The following NPFF variants were observed in gnomAD, a reference collection of about 807,000 sequenced individuals.
NPFF encodes neuropeptide FF-amide peptide precursor, also known as pro-FMRFamide-related neuropeptide FF.
NPFF carries 14 observed loss-of-function variants against 12.9 expected under a neutral mutation model. The observed-to-expected ratio is 1.09, with a 90% confidence interval of 0.72 to 1.70. The LOEUF (loss-of-function observed/expected upper bound fraction) is 1.70, where lower values mean the gene tolerates loss of function less well. NPFF is among the 40% of genes most tolerant of loss of function. NPFF has a pLI of 0.00. For synonymous variants in NPFF, 56 were observed against 57.3 expected (o/e 0.98, Z 0.10); for missense variants, 140 against 135.7 (o/e 1.03, Z -0.16).
chr12:53,507,481 A>G lies in NPFF; in HGVS notation c.-7T>C. On this transcript the variant is annotated 5_prime_UTR_variant, in exon 1 of 3. Transcript: ENST00000267017. ...CAGCCTGCCTAGAATCCATGCTGCC[A>G]CCTACCCTCCTACAGCCACCCCAAC... The G allele has an allele frequency of 1.2e-6, 2 of 1,611,520 alleles. No homozygotes were observed. Among genetic ancestry groups the G allele is most frequent in the Middle Eastern group, 3.3e-4 (2 of 5,998 alleles).
chr12:53,506,843 C>G lies in NPFF; in HGVS notation c.275G>C (p.Arg92Pro). 1 of 1,604,504 alleles carries G rather than the reference C, an allele frequency of 6.2e-7. No individual in the cohort carries two copies. Among genetic ancestry groups the G allele is most frequent in the Non-Finnish European group, 8.5e-7 (1 of 1,175,384 alleles). Residue 92 changes from arginine to proline, a missense_variant, in exon 3 of 3, where the codon CGG (arginine) becomes CCG (proline). Coordinates refer to ENST00000267017, the MANE Select transcript of NPFF (RefSeq NM_003717.4). ...CTGGGAATTCAGCCCCTCTCCAGCC[C>G]GGGGACTCAGCCATTCATTCCTCCA... is the stretch of plus-strand genomic sequence containing the variant. ...GSWRNEWLSPRAGEGLNSQFW... is the reference protein window; with the variant it reads ...GSWRNEWLSPPAGEGLNSQFW...
chr12:53,507,265 T>G, intron 1 of NPFF, 108 bp downstream of exon 1: 8 of 1,590,924 alleles, frequency 5.0e-6, no homozygotes, highest in Non-Finnish European at 6.9e-6. Context: ...TCCTCAGATG[T>G]GAGGACCTAA....
chr12:53,507,001 T>G lies in NPFF; in HGVS notation c.224+20A>C. On this transcript the variant is annotated intron_variant, in intron 2 of 2. Transcript: ENST00000267017. Reference sequence around the variant, plus strand: ...TTCCACCCCCAGCCCCTGCCATGCTTGTGTCCCTTTCAGACTCACCTCTGG... The same window carrying G: ...TTCCACCCCCAGCCCCTGCCATGCTGGTGTCCCTTTCAGACTCACCTCTGG... The G allele has an allele frequency of 4.3e-6, 7 of 1,611,494 alleles. No homozygotes were observed. Among genetic ancestry groups the G allele is most frequent in the Non-Finnish European group, 5.9e-6 (7 of 1,178,312 alleles).
intron 1 of NPFF, 73 bp downstream of exon 1, chr12:53,507,300 G>A (rs1565905044): frequency 6.2e-7 from 1 of 1,603,470 alleles, no homozygotes; most frequent in East Asian, 2.2e-5. Flanking sequence ...GCCAGAGAAA[G>A]TATCAGAACC....
In NPFF at chr12:53,507,401, C is replaced by T. The variant is rs1356865316; in HGVS notation, c.74G>A (p.Gly25Glu). Residue 25 changes from glycine (G) to glutamate (E), a missense_variant, in exon 1 of 3, where the codon GGA (glycine) becomes GAA (glutamate). Gly to Glu is a moderately conservative substitution (Grantham distance 98). Coordinates refer to ENST00000267017, the MANE Select transcript of NPFF (RefSeq NM_003717.4). ...LIDGGCAEGP[G>E]GQQEDQLSAE... Reference sequence around the variant, plus strand: ...GGAGAGCTGGTCTTCCTGCTGGCCTCCTGGCCCTTCAGCACAGCCCCCGTC... The same window carrying T: ...GGAGAGCTGGTCTTCCTGCTGGCCTTCTGGCCCTTCAGCACAGCCCCCGTC... The T allele has an allele frequency of 6.2e-7, 1 of 1,614,054 alleles. No individual in the cohort carries two copies. Among genetic ancestry groups the T allele is most frequent in the African/African-American group, 1.3e-5 (1 of 74,998 alleles).
In NPFF at chr12:53,506,721, A is replaced by ACAT. The variant is rs1187473002; in HGVS notation, c.*52_*54dup. 2.3e-6 allele frequency: 3 copies of ACAT among 1,324,738 alleles called. No homozygotes were observed. Among genetic ancestry groups the ACAT allele is most frequent in the South Asian group, 1.4e-5 (1 of 69,348 alleles). The allele number at this position is 1,324,738 out of a possible 1,614,324, so 82.1% of individuals were successfully genotyped here. ...CCAGACAATTTTATTTGGGGGGCAA[A>ACAT]CATTGACACTTTTGGGTGTGGACCT... On this transcript the variant is annotated 3_prime_UTR_variant, in exon 3 of 3. Transcript: ENST00000267017.
rs1944005097 is a variant in NPFF, at chr12:53,506,752, G to C, written c.*24C>G. On this transcript the variant is annotated 3_prime_UTR_variant, in exon 3 of 3. Coordinates refer to ENST00000267017, the MANE Select transcript of NPFF (RefSeq NM_003717.4). Reference sequence around the variant, plus strand: ...ACACTTTTGGGTGTGGACCTTGCATGCAGACATATCAAGGGATGACATGTC... The same window carrying C: ...ACACTTTTGGGTGTGGACCTTGCATCCAGACATATCAAGGGATGACATGTC... The C allele has an allele frequency of 6.8e-7, 1 of 1,470,692 alleles. No homozygotes were observed. The highest frequency in any genetic ancestry group is 1.4e-5 in the African/African-American group (1 of 70,800). 91.1% of individuals were successfully genotyped at this position (1,470,692 alleles called of 1,614,324 possible).
Position 53,507,019 on chromosome 12 carries a change from A to G in NPFF, c.224+2T>C. The stretch of plus-strand genomic sequence containing the variant: ...CCATGCTTGTGTCCCTTTCAGACTC[A>G]CCTCTGGGGCTGAAACAGGAAGGCT... On this transcript the variant is annotated splice_donor_variant, in intron 2 of 2. Transcript: ENST00000267017. LOFTEE classifies it high-confidence loss of function. 1 of 1,612,326 alleles carries G rather than the reference A, an allele frequency of 6.2e-7. No individual in the cohort carries two copies. The highest frequency in any genetic ancestry group is 8.5e-7 in the Non-Finnish European group (1 of 1,179,400).
At chr12:53,507,170 A>T (rs1565904883) in intron 1 of NPFF, 28 bp from the exon 2 acceptor site, 4 of 1,611,254 alleles carry the variant, frequency 2.5e-6, no homozygotes, top group Non-Finnish European at 3.4e-6. Context: ...CAGGGAAGGA[A>T]GATGGGCAAA....
At position 53,506,904 on chromosome 12, in the gene NPFF, A is replaced by G; in HGVS notation, c.225-11T>C. 6.3e-7 allele frequency: 1 copy of G among 1,582,578 alleles called. No individual in the cohort carries two copies. The highest frequency in any genetic ancestry group is 8.6e-7 in the Non-Finnish European group (1 of 1,163,026). On this transcript the variant is annotated splice_polypyrimidine_tract_variant and intron_variant, in intron 2 of 2. Coordinates refer to ENST00000267017, the MANE Select transcript of NPFF (RefSeq NM_003717.4). ...GTATTTCTGCCAAACCTTAGGAAAG[A>G]TTTGTCCTCAGGTCCCCGCAGTCTC... is the stretch of plus-strand genomic sequence containing the variant.
At chr12:53,507,484 T>TA, upstream of NPFF, 1 of 1,611,178 alleles carries the variant, frequency 6.2e-7, no homozygotes, top group South Asian at 1.1e-5. Context: ...TGCTGCCACC[T>TA]ACCCTCCTAC....
At position 53,507,440 on chromosome 12, in the gene NPFF, A is replaced by G. The variant is rs779794940; in HGVS notation, c.35T>C (p.Leu12Pro). The change falls in exon 1 of 3, where the codon CTG becomes CCG. Residue 12 changes from leucine (L) to proline (P), a missense_variant. Transcript: ENST00000267017. The part of the protein sequence containing the change: ...DSRQAAALLV[L>P]LLLIDGGCAE... ...ACAGCCCCCGTCTATTAACAGCAGC[A>G]GCACCAGCAGTGCAGCAGCCTGCCT... The G allele has an allele frequency of 2.5e-6, 4 of 1,613,870 alleles. No homozygotes were observed. The highest frequency in any genetic ancestry group is 3.4e-6 in the Non-Finnish European group (4 of 1,179,994).
At chr12:53,506,972 CCCTTT>C (rs774621649) in intron 2 of NPFF, 44 bp downstream of exon 2, 1 of 1,598,312 alleles carries the variant, frequency 6.3e-7, no homozygotes, top group Non-Finnish European at 8.6e-7. Flanking sequence ...CTGCCTCCTG[CCCTTT>C]CCACCCCCAG....
At position 53,506,896 on chromosome 12, in the gene NPFF, T is replaced by C; in HGVS notation, c.225-3A>G. 1 of 1,586,420 alleles carries C rather than the reference T, an allele frequency of 6.3e-7. No homozygotes were observed. ...ATCCCTGGGTATTTCTGCCAAACCTTAGGAAAGATTTGTCCTCAGGTCCCC... is the reference window on the plus strand; with the variant it reads ...ATCCCTGGGTATTTCTGCCAAACCTCAGGAAAGATTTGTCCTCAGGTCCCC... On this transcript the variant is annotated splice_polypyrimidine_tract_variant and splice_region_variant and intron_variant, in intron 2 of 2. Coordinates refer to ENST00000267017, the MANE Select transcript of NPFF (RefSeq NM_003717.4).
At chr12:53,507,215 T>TG (rs1161325554) in intron 1 of NPFF, 73 bp from the exon 2 acceptor site, 1 of 1,589,788 alleles carries the variant, frequency 6.3e-7, no homozygotes. Context: ...GGGAAGGGAC[T>TG]GGCTTCCAGG....
At position 53,507,160 on chromosome 12, in the gene NPFF, CAG is replaced by C; in HGVS notation, c.103-20_103-19del. 2 of 1,612,130 alleles carry C rather than the reference CAG, an allele frequency of 1.2e-6. No individual in the cohort carries two copies. Among genetic ancestry groups the C allele is most frequent in the Non-Finnish European group, 1.7e-6 (2 of 1,178,908 alleles). Reference sequence around the variant, plus strand: ...TCTTCCTCCTGTGCCAAGGGGGTATCAGGGAAGGAAGATGGGCAAATACCCTG... The same window carrying C: ...TCTTCCTCCTGTGCCAAGGGGGTATCGGAAGGAAGATGGGCAAATACCCTG... On this transcript the variant is annotated intron_variant, in intron 1 of 2. Coordinates refer to ENST00000267017, the MANE Select transcript of NPFF (RefSeq NM_003717.4).
Position 53,507,018 on chromosome 12 carries a change from C to T in NPFF, c.224+3G>A. ...GCCATGCTTGTGTCCCTTTCAGACT[C>T]ACCTCTGGGGCTGAAACAGGAAGGC... On this transcript the variant is annotated splice_donor_region_variant and intron_variant, in intron 2 of 2. Coordinates refer to ENST00000267017, the MANE Select transcript of NPFF (RefSeq NM_003717.4). 3 of 1,613,294 alleles carry T rather than the reference C, an allele frequency of 1.9e-6. No individual in the cohort carries two copies. The highest frequency in any genetic ancestry group is 1.1e-5 in the South Asian group (1 of 90,948).
intron 2 of NPFF, 44 bp downstream of exon 2, chr12:53,506,977 T>C (rs746083801): frequency 8.7e-6 from 14 of 1,601,864 alleles, no homozygotes; most frequent in Non-Finnish European, 1.2e-5. Context: ...TCCTGCCCTT[T>C]CCACCCCCAG....
Position 53,506,833 on chromosome 12 carries a change from C to G in NPFF, c.285G>C (p.Glu95Asp), listed in dbSNP as rs201433123. The change falls in exon 3 of 3, where the codon GAG becomes GAC. Residue 95 changes from glutamate (E) to aspartate (D), a missense_variant. Glu to Asp is a conservative substitution (Grantham distance 45). Coordinates refer to ENST00000267017, the MANE Select transcript of NPFF (RefSeq NM_003717.4). ...GGCTCCAGAACTGGGAATTCAGCCC[C>G]TCTCCAGCCCGGGGACTCAGCCATT... is the stretch of plus-strand genomic sequence containing the variant. ...RNEWLSPRAG[E>D]GLNSQFWSLA... 1.2e-6 allele frequency: 2 copies of G among 1,602,218 alleles called. No individual in the cohort carries two copies. The highest frequency in any genetic ancestry group is 1.7e-6 in the Non-Finnish European group (2 of 1,174,428).
Sources: allele counts gnomAD v4.1 joint callset, GRCh38; gene constraint gnomAD v4.1.1; transcripts MANE v1.5; gene names NCBI Gene and HGNC (gene_info 2026-07-23, HGNC 2026-07-21).